EYA1: variants seen among roughly 807,000 people sequenced by gnomAD.
EYA1 encodes the protein protein phosphatase EYA1.
In EYA1, 16 loss-of-function variants were observed where a neutral mutation model predicts 82.0. That is an observed-to-expected ratio of 0.20 (90% CI 0.13 to 0.30). The LOEUF is 0.30. Among genes scored for constraint, EYA1 ranks in the 10% least tolerant of loss-of-function variants. The pLI, the probability that EYA1 is intolerant of heterozygous loss-of-function variation, is 1.00. For synonymous variants in EYA1, 261 were observed against 264.4 expected, an observed-to-expected ratio of 0.99 and a Z score of 0.12; for missense variants, 633 against 730.7, an observed-to-expected ratio of 0.87 and a Z score of 1.54.
chr8:71,220,649 A>G (rs1408965249), intron 12 of EYA1, among the ~76,000 whole-genome samples: 2 of 152,266 alleles, frequency 1.3e-5, no homozygotes, highest in Non-Finnish European at 2.9e-5. Context: ...TGAAACTAAC[A>G]TTCTAGTTAG....
At chr8:71,362,276 T>A, upstream of EYA1, 1 of 856,400 alleles carries the variant, frequency 1.2e-6, no homozygotes, top group Non-Finnish European at 1.3e-6. Context: ...TGACTCAACC[T>A]TGCTGTTTAA....
At chr8:71,403,618 G>A (rs1830068532) in intron 2 of EYA1, 1 of 152,140 alleles carries the variant, frequency 6.6e-6, no homozygotes, top group Non-Finnish European at 1.5e-5. Flanking sequence ...TCATCTACCA[G>A]TAGATAATAA....
intron 2 of EYA1, among the ~76,000 whole-genome samples, chr8:71,483,740 T>C (rs573794372): frequency 5.5e-4 from 83 of 152,048 alleles, no homozygotes; most frequent in Non-Finnish European, 9.3e-4. Context: ...AAAGCAGTGA[T>C]GCAATGTGTA....
chr8:71,507,078 CAAT>C (rs1459919358), intron 2 of EYA1, among the ~76,000 whole-genome samples: 1 of 152,156 alleles, frequency 6.6e-6, no homozygotes, highest in African/African-American at 2.4e-5. Flanking sequence ...ATAATAACAA[CAAT>C]AACAATAGCC....
intron 1 of EYA1, among the ~76,000 whole-genome samples, chr8:71,539,733 C>T (rs1814998844): frequency 6.6e-6 from 1 of 152,074 alleles, no homozygotes; most frequent in South Asian, 2.1e-4. Flanking sequence ...TGTTAGGTAG[C>T]CTCACCTGAT....
At chr8:71,242,086 G>A (rs72654131) in intron 12 of EYA1, among the ~76,000 whole-genome samples, 28,942 of 151,982 alleles carry the variant, frequency 0.19, 2,902 homozygotes, top group Middle Eastern at 0.3. Context: ...GTGTGTATCT[G>A]TAATCCCAGC....
intron 2 of EYA1, among the ~76,000 whole-genome samples, chr8:71,495,785 T>C (rs1033485388): frequency 6.6e-6 from 1 of 152,132 alleles, no homozygotes; most frequent in Non-Finnish European, 1.5e-5. Context: ...AAAACACACA[T>C]GATTCAGCAA....
At chr8:71,516,369 T>C (rs1299930041) in intron 2 of EYA1, among the ~76,000 whole-genome samples, 3 of 152,072 alleles carry the variant, frequency 2.0e-5, no homozygotes, top group Non-Finnish European at 4.4e-5. Flanking sequence ...GTAGAGCTCT[T>C]GAAGGATGGA....
At chr8:71,327,170 G>A (rs1272901560) in intron 4 of EYA1, among the ~76,000 whole-genome samples, 1 of 152,152 alleles carries the variant, frequency 6.6e-6, no homozygotes. Context: ...GCTCCATGAG[G>A]GCAGAGACCC....
At chr8:71,532,466 A>G (rs1291643866) in intron 2 of EYA1, among the ~76,000 whole-genome samples, 1 of 152,206 alleles carries the variant, frequency 6.6e-6, no homozygotes, top group Non-Finnish European at 1.5e-5. Context: ...ATATGTATCT[A>G]TGTAGTAGAG....
chr8:71,236,919 T>G (rs370718102), intron 12 of EYA1, among the ~76,000 whole-genome samples: 10 of 152,334 alleles, frequency 6.6e-5, no homozygotes, highest in African/African-American at 2.4e-4. Context: ...GAAACTGCTT[T>G]TCTGAAAACT....
chr8:71,338,451 AC>A (rs1191763901), intron 3 of EYA1, among the ~76,000 whole-genome samples: 1 of 152,132 alleles, frequency 6.6e-6, no homozygotes, highest in Non-Finnish European at 1.5e-5. Context: ...AAATGAGAAA[AC>A]CATCTTCCTT....
At chr8:71,472,363 T>A (rs1004822535) in intron 2 of EYA1, among the ~76,000 whole-genome samples, 5 of 152,150 alleles carry the variant, frequency 3.3e-5, no homozygotes, top group African/African-American at 1.2e-4. Context: ...GTCCAACAGA[T>A]AATCACCATA....
intron 1 of EYA1, among the ~76,000 whole-genome samples, chr8:71,539,739 C>T (rs1260574434): frequency 1.3e-5 from 2 of 152,120 alleles, no homozygotes; most frequent in African/African-American, 4.8e-5. Context: ...GTAGCCTCAC[C>T]TGATACAGGA....
intron 9 of EYA1, among the ~76,000 whole-genome samples, chr8:71,274,638 A>G (rs1047275951): frequency 3.9e-5 from 6 of 152,238 alleles, no homozygotes; most frequent in African/African-American, 1.4e-4. Flanking sequence ...GGAGCTTACA[A>G]TTCAGAGGAA....
chr8:71,240,998 C>T (rs1222921347), intron 12 of EYA1, among the ~76,000 whole-genome samples: 1 of 152,144 alleles, frequency 6.6e-6, no homozygotes, highest in African/African-American at 2.4e-5. Context: ...TAGGCATCAT[C>T]GTATTGCACA....
chr8:71,543,966 G>A (rs550339501), intron 1 of EYA1, among the ~76,000 whole-genome samples: 1 of 152,230 alleles, frequency 6.6e-6, no homozygotes, highest in Admixed American at 6.5e-5. Flanking sequence ...CCTGGATGCT[G>A]ACTCTTACTT....
chr8:71,306,012 T>C (rs1820702489), intron 7 of EYA1, among the ~76,000 whole-genome samples: 1 of 152,110 alleles, frequency 6.6e-6, no homozygotes, highest in Admixed American at 6.6e-5. Context: ...CGAAGAAAGT[T>C]TGAAAATCCC....
chr8:71,204,545 C>G (rs1004036854), intron 17 of EYA1, among the ~76,000 whole-genome samples: 1 of 152,192 alleles, frequency 6.6e-6, no homozygotes, highest in Non-Finnish European at 1.5e-5. Context: ...CCCCAGAGGA[C>G]TGGTTAAATA....
Sources: allele counts gnomAD v4.1 joint callset (sites outside exome capture counted in the v4.1 genomes callset), GRCh38; gene constraint gnomAD v4.1.1; transcripts MANE v1.5; gene names NCBI Gene and HGNC (gene_info 2026-07-23, HGNC 2026-07-21).